The following SNX30 variants were observed in gnomAD, a reference collection of about 807,000 sequenced individuals.
SNX30 encodes sorting nexin family member 30.
A neutral mutation model predicts 46.4 loss-of-function variants in SNX30; 24 were observed. The observed-to-expected ratio is 0.52, with a 90% CI of 0.37 to 0.73. The LOEUF is 0.73. Among genes scored for constraint, SNX30 ranks in the 30% least tolerant of loss-of-function variants. SNX30 has a pLI of 0.00. For missense variants in SNX30, 533 were observed against 555.7 expected, an observed-to-expected ratio of 0.96 and a Z score of 0.41; for synonymous variants, 189 against 211.5, an observed-to-expected ratio of 0.89 and a Z score of 0.92.
At chr9:112,837,554 C>A (rs1218481963) in intron 5 of SNX30, among the ~76,000 whole-genome samples, 1 of 152,042 alleles carries the variant, frequency 6.6e-6, no homozygotes, top group Non-Finnish European at 1.5e-5. Context: ...CGGCTCACTG[C>A]AAGCGCCGCC....
At chr9:112,787,332 A>G (rs575533061) in intron 1 of SNX30, among the ~76,000 whole-genome samples, 6 of 152,202 alleles carry the variant, frequency 3.9e-5, no homozygotes, top group Non-Finnish European at 7.3e-5. Flanking sequence ...GGAAGGAAGT[A>G]TGACCTATTT....
At chr9:112,786,915 C>G (rs1208274563) in intron 1 of SNX30, among the ~76,000 whole-genome samples, 1 of 152,118 alleles carries the variant, frequency 6.6e-6, no homozygotes, top group Non-Finnish European at 1.5e-5. Context: ...TTCTCTTATT[C>G]TTTAATGTTT....
chr9:112,865,688 CACGTATACACACAT>C (rs1185735333), intron 8 of SNX30, among the ~76,000 whole-genome samples: 5 of 132,138 alleles, frequency 3.8e-5, no homozygotes, highest in African/African-American at 1.1e-4. Flanking sequence ...CACACACACA[CACGTATACACACAT>C]ATATATACAC....
chr9:112,814,519 G>A (rs1313655133), intron 2 of SNX30, among the ~76,000 whole-genome samples: 1 of 152,164 alleles, frequency 6.6e-6, no homozygotes, highest in East Asian at 1.9e-4. Flanking sequence ...AAGATTATAG[G>A]CATGAGCCAC....
chr9:112,788,317 G>A (rs913433300), intron 1 of SNX30, among the ~76,000 whole-genome samples: 14 of 152,036 alleles, frequency 9.2e-5, no homozygotes, highest in African/African-American at 3.4e-4. Context: ...CGTTTTCTTG[G>A]ACTTTCCTTA....
rs879602566 is a variant in SNX30 at position 112,865,001 on chromosome 9, ACACC to A, written c.1254+606_1254+609del. ...CGCACATGCGCGTGCACACACACAC[ACACC>A]CACACACCCCACTACCACCACCACA... On this transcript the variant is annotated intron_variant, in intron 8 of 8. Transcript: ENST00000374232. 5.5e-4 allele frequency among the ~76,000 whole-genome samples: 43 copies of A among 77,868 alleles called. No homozygotes were observed. The South Asian group carries it at 6.3e-3, about 11-fold the overall frequency. The allele number at this position is 77,868 out of a possible 152,430, so 51.1% of individuals were successfully genotyped here.
At chr9:112,822,311 T>C (rs547925388) in intron 3 of SNX30, among the ~76,000 whole-genome samples, 115 of 152,342 alleles carry the variant, frequency 7.5e-4, no homozygotes, top group African/African-American at 2.7e-3. Flanking sequence ...TGTGTTTTTC[T>C]TCATTATGTA....
chr9:112,804,442 G>A (rs1840192068), intron 1 of SNX30, among the ~76,000 whole-genome samples: 1 of 152,228 alleles, frequency 6.6e-6, no homozygotes, highest in Non-Finnish European at 1.5e-5. Context: ...TGGGATTACA[G>A]GCGTGAGCCA....
intron 1 of SNX30, among the ~76,000 whole-genome samples, chr9:112,771,104 A>G (rs1259419242): frequency 2.2e-5 from 1 of 45,096 alleles, no homozygotes; most frequent in African/African-American, 6.2e-5. Flanking sequence ...CAGAACTTAA[A>G]CCACCAGACA....
At chr9:112,829,172 G>A (rs1840623248) in intron 3 of SNX30, among the ~76,000 whole-genome samples, 1 of 152,138 alleles carries the variant, frequency 6.6e-6, no homozygotes, top group African/African-American at 2.4e-5. Context: ...CATTTGGATT[G>A]CTTCTGCCTT....
chr9:112,775,542 T>TTGTTTGTGTG (rs1219813458), intron 1 of SNX30, among the ~76,000 whole-genome samples: 42 of 131,412 alleles, frequency 3.2e-4, no homozygotes, highest in Middle Eastern at 8.2e-3. Flanking sequence ...TATTTTAAAT[T>TTGTTTGTGTG]TGTGTGTGTG....
chr9:112,810,910 C>T (rs1296592653), intron 2 of SNX30, among the ~76,000 whole-genome samples: 4 of 152,044 alleles, frequency 2.6e-5, no homozygotes, highest in Admixed American at 6.6e-5. Context: ...CTGTGTGGAA[C>T]GAGGAGCATG....
Position 112,868,889 on chromosome 9 carries a change from C to T in SNX30, c.*46C>T. On this transcript the variant is annotated 3_prime_UTR_variant, in exon 9 of 9. Coordinates refer to ENST00000374232, the MANE Select transcript of SNX30 (RefSeq NM_001012994.2). ...ACTCTTCTACCTACACAGGGCCTGGCACCCTATACCGGAATGTCCCTGCAG... is the reference window on the plus strand; with the variant it reads ...ACTCTTCTACCTACACAGGGCCTGGTACCCTATACCGGAATGTCCCTGCAG... 1 of 1,576,552 alleles carries T rather than the reference C, an allele frequency of 6.3e-7. No homozygotes were observed. The highest frequency in any genetic ancestry group is 8.7e-7 in the Non-Finnish European group (1 of 1,145,892).
intron 1 of SNX30, among the ~76,000 whole-genome samples, chr9:112,795,118 C>T (rs1406109307): frequency 6.6e-6 from 1 of 152,050 alleles, no homozygotes; most frequent in Non-Finnish European, 1.5e-5. Flanking sequence ...CTGCTATGAA[C>T]CCAGCCTCAT....
intron 1 of SNX30, among the ~76,000 whole-genome samples, chr9:112,776,777 G>C (rs1323500427): frequency 1.3e-5 from 2 of 152,212 alleles, no homozygotes; most frequent in Non-Finnish European, 2.9e-5. Context: ...ACTGCTCCTA[G>C]GCAGGCCTCC....
chr9:112,751,856 G>C (rs1435741057), intron 1 of SNX30, among the ~76,000 whole-genome samples: 1 of 152,140 alleles, frequency 6.6e-6, no homozygotes, highest in Admixed American at 6.5e-5. Context: ...GGAGGCTCCA[G>C]ATTTTCTTAG....
chr9:112,838,875 C>T (rs923979756), intron 6 of SNX30, among the ~76,000 whole-genome samples, 178 bp downstream of exon 6: 2 of 151,622 alleles, frequency 1.3e-5, no homozygotes, highest in East Asian at 1.9e-4. Context: ...GAACGAAGTA[C>T]GTGAATTAAA....
chr9:112,813,019 C>T (rs1390757471), intron 2 of SNX30, among the ~76,000 whole-genome samples: 4 of 151,976 alleles, frequency 2.6e-5, no homozygotes, highest in Non-Finnish European at 5.9e-5. Context: ...TGGTGGCGCA[C>T]GCCTGTAGTC....
At chr9:112,776,383 A>T (rs1221219679) in intron 1 of SNX30, among the ~76,000 whole-genome samples, 1 of 152,192 alleles carries the variant, frequency 6.6e-6, no homozygotes, top group African/African-American at 2.4e-5. Context: ...ATTTAAAGTT[A>T]AACCCACTTA....
Sources: allele counts gnomAD v4.1 joint callset (sites outside exome capture counted in the v4.1 genomes callset), GRCh38; gene constraint gnomAD v4.1.1; transcripts MANE v1.5; gene names NCBI Gene and HGNC (gene_info 2026-07-23, HGNC 2026-07-21).